RAB6A: variants seen among roughly 807,000 people sequenced by gnomAD.
RAB6A encodes the protein ras-related protein Rab-6A.
Under a neutral mutation model 32.3 loss-of-function variants are expected in RAB6A, and 8 were observed. That is an observed-to-expected ratio of 0.25 (90% CI 0.15 to 0.45). The LOEUF (loss-of-function observed/expected upper bound fraction) is 0.45, where lower values mean the gene tolerates loss of function less well. Among genes scored for constraint, RAB6A ranks in the 20% least tolerant of loss-of-function variants. RAB6A has a pLI of 1.00. For missense variants in RAB6A, 104 were observed against 249.4 expected, an observed-to-expected ratio of 0.42 and a Z score of 3.93; for synonymous variants, 73 against 82.1, an observed-to-expected ratio of 0.89 and a Z score of 0.60.
intron 5 of RAB6A, among the ~76,000 whole-genome samples, chr11:73,714,837 G>T (rs891779139): frequency 3.3e-5 from 5 of 151,870 alleles, no homozygotes; most frequent in Admixed American, 6.6e-5. Flanking sequence ...ATGGTGGCAG[G>T]CGCCTGTAAT....
At position 73,716,243 on chromosome 11, in the gene RAB6A, C is replaced by T. The variant is rs1423807414; in HGVS notation, c.401+8G>A. ...CAAACATTACACACATATAAAATAA[C>T]TCCATACCTCTTGTCAGCAAGATCT... On this transcript the variant is annotated splice_region_variant and intron_variant, in intron 5 of 7. Coordinates refer to ENST00000336083, the MANE Select transcript of RAB6A (RefSeq NM_198896.2). 5 of 1,572,936 alleles carry T rather than the reference C, an allele frequency of 3.2e-6. No individual in the cohort carries two copies. Among genetic ancestry groups the T allele is most frequent in the South Asian group, 2.2e-5 (2 of 89,936 alleles).
rs1369309050 is a variant in RAB6A, at chr11:73,722,295, A to ATG, written c.130-1398_130-1397dup. 9.5e-3 allele frequency: 764 copies of ATG among 80,486 alleles called. 20 individuals carry two copies. The highest frequency in any genetic ancestry group is 0.027 in the South Asian group (57 of 2,148). The allele number at this position is 80,486 out of a possible 1,614,324, so 5.0% of individuals were successfully genotyped here. On this transcript the variant is annotated intron_variant, in intron 2 of 7. Coordinates refer to ENST00000336083, the MANE Select transcript of RAB6A (RefSeq NM_198896.2). ...TTCCGTAAATAAAATTCAAATATAT[A>ATG]TGTGTGTGTGTATATATATATATAT...
At chr11:73,725,099 AT>A (rs1708585052) in intron 2 of RAB6A, among the ~76,000 whole-genome samples, 1 of 152,244 alleles carries the variant, frequency 6.6e-6, no homozygotes, top group South Asian at 2.1e-4. Context: ...ATTAGTACAA[AT>A]ACTGTTACAT....
intron 6 of RAB6A, among the ~76,000 whole-genome samples, chr11:73,698,622 C>T (rs534295788): frequency 6.6e-6 from 1 of 152,080 alleles, no homozygotes; most frequent in East Asian, 1.9e-4. Context: ...TACATAGATT[C>T]CTTCTTGTAT....
intron 1 of RAB6A, among the ~76,000 whole-genome samples, chr11:73,737,538 A>G (rs1254333220): frequency 6.6e-6 from 1 of 152,182 alleles, no homozygotes; most frequent in Admixed American, 6.5e-5. Context: ...ACATATGGCA[A>G]GCACTACCCA....
intron 5 of RAB6A, 138 bp downstream of exon 5, chr11:73,716,113 C>T: frequency 1.8e-6 from 1 of 565,772 alleles, no homozygotes; most frequent in Non-Finnish European, 3.0e-6. Context: ...TTTGAGGTTC[C>T]CATGCTAAAG....
At chr11:73,714,229 T>TATAC (rs79775489) in intron 5 of RAB6A, among the ~76,000 whole-genome samples, 6,404 of 116,024 alleles carry the variant, frequency 0.055, 229 homozygotes, top group East Asian at 0.11. Flanking sequence ...TATATATATA[T>TATAC]ACACACATAT....
intron 6 of RAB6A, among the ~76,000 whole-genome samples, chr11:73,697,663 C>T (rs137878835): frequency 1.2e-4 from 18 of 152,196 alleles, no homozygotes; most frequent in Middle Eastern, 3.4e-3. Flanking sequence ...TCATTTTTCT[C>T]TATAGAATCT....
chr11:73,678,813 C>T (rs1370935688), intron 7 of RAB6A, among the ~76,000 whole-genome samples: 7 of 150,888 alleles, frequency 4.6e-5, no homozygotes, highest in Non-Finnish European at 8.9e-5. Flanking sequence ...GCAACCTCTG[C>T]CTCCTGGGTT....
chr11:73,722,341 ATATTTTTTTTTT>A (rs1441470237), intron 2 of RAB6A: 7 of 8,814 alleles, frequency 7.9e-4, no homozygotes, highest in African/African-American at 9.5e-4. Flanking sequence ...ATATATATAT[ATATTTTTTTTTT>A]TTTTTTTTTT....
chr11:73,730,739 C>T (rs1485202813), intron 2 of RAB6A, 26 bp downstream of exon 2: 1 of 1,559,626 alleles, frequency 6.4e-7, no homozygotes, highest in Non-Finnish European at 8.8e-7. Flanking sequence ...AAATAGACAA[C>T]AAATAAATTG....
At chr11:73,718,989 G>A in intron 3 of RAB6A, 1 of 1,072,882 alleles carries the variant, frequency 9.3e-7, no homozygotes. Flanking sequence ...GGGTGGGAAG[G>A]AAGTAGAAAG....
In RAB6A at chr11:73,692,402, C is replaced by T. The variant is rs968082428; in HGVS notation, c.496-12682G>A. Among the ~76,000 whole-genome samples, 31 of 145,964 alleles carry T rather than the reference C, an allele frequency of 2.1e-4. 1 individual carries two copies. The highest frequency in any genetic ancestry group is 7.5e-5 in the Non-Finnish European group (5 of 67,022). On this transcript the variant is annotated intron_variant, in intron 6 of 7. Coordinates refer to ENST00000336083, the MANE Select transcript of RAB6A (RefSeq NM_198896.2). ...CCTGTAGTCCCAGCTACTAGGGAGG[C>T]TGAGGCAGGAGAATGGCGTGAACCC...
intron 5 of RAB6A, among the ~76,000 whole-genome samples, chr11:73,715,934 T>C (rs1946045839): frequency 6.6e-6 from 1 of 152,240 alleles, no homozygotes; most frequent in Non-Finnish European, 1.5e-5. Context: ...TTTTCCAAAA[T>C]GGCTTGCTCT....
chr11:73,748,469 A>G (rs1946625621), intron 1 of RAB6A, among the ~76,000 whole-genome samples: 1 of 152,196 alleles, frequency 6.6e-6, no homozygotes, highest in South Asian at 2.1e-4. Flanking sequence ...CTATGGCTGC[A>G]CCACTGGAAT....
chr11:73,678,713 T>C (rs544138698), intron 7 of RAB6A, among the ~76,000 whole-genome samples: 1 of 144,464 alleles, frequency 6.9e-6, no homozygotes, highest in Admixed American at 6.9e-5. Context: ...TTATGTTTTA[T>C]GTTGTTGTTG....
chr11:73,754,727 T>A (rs1389404776), intron 1 of RAB6A, among the ~76,000 whole-genome samples: 1 of 152,108 alleles, frequency 6.6e-6, no homozygotes, highest in Non-Finnish European at 1.5e-5. Flanking sequence ...GAGACCAGCC[T>A]GGCCAATATA....
intron 5 of RAB6A, among the ~76,000 whole-genome samples, chr11:73,714,207 A>ATATATATATATGTATAT: frequency 1.4e-5 from 1 of 71,740 alleles, no homozygotes; most frequent in Non-Finnish European, 2.7e-5. Context: ...AAAAAAAAAA[A>ATATATATATATGTATAT]AAATATATAT....
chr11:73,721,873 GA>G (rs913874493), intron 2 of RAB6A, among the ~76,000 whole-genome samples: 74 of 152,104 alleles, frequency 4.9e-4, no homozygotes, highest in Non-Finnish European at 1.3e-4. Flanking sequence ...AACTAGATCA[GA>G]AAAGTGGTCC....
Sources: allele counts gnomAD v4.1 joint callset (sites outside exome capture counted in the v4.1 genomes callset), GRCh38; gene constraint gnomAD v4.1.1; transcripts MANE v1.5; gene names NCBI Gene and HGNC (gene_info 2026-07-23, HGNC 2026-07-21).